DOCK1: variants seen among roughly 807,000 people sequenced by gnomAD.
DOCK1 encodes dedicator of cytokinesis protein 1.
A neutral mutation model predicts 262.7 loss-of-function variants in DOCK1; 138 were observed. The observed-to-expected ratio is 0.53, with a 90% CI of 0.46 to 0.61. The LOEUF (loss-of-function observed/expected upper bound fraction) is 0.61, where lower values mean the gene tolerates loss of function less well. Among genes scored for constraint, DOCK1 ranks in the 20% least tolerant of loss-of-function variants. The probability of loss-of-function intolerance (pLI) is 0.00; values close to 1 mark genes in which losing one functional copy is unlikely to be tolerated. For synonymous variants in DOCK1, 866 were observed against 867.4 expected, an observed-to-expected ratio of 1.00 and a Z score of 0.03; for missense variants, 1,908 against 2,370.7, an observed-to-expected ratio of 0.80 and a Z score of 4.05.
At chr10:127,045,985 G>A (rs1420687151) in intron 21 of DOCK1, among the ~76,000 whole-genome samples, 1 of 152,022 alleles carries the variant, frequency 6.6e-6, no homozygotes, top group Non-Finnish European at 1.5e-5. Context: ...TCATTTGCTG[G>A]TTCTAGGTCC....
chr10:127,114,964 C>G (rs950448918), intron 25 of DOCK1, among the ~76,000 whole-genome samples: 7 of 152,080 alleles, frequency 4.6e-5, no homozygotes, highest in Non-Finnish European at 1.0e-4. Context: ...ACCGTGTTGG[C>G]TGGGATGGTC....
At chr10:127,279,454 T>C (rs1372681086) in intron 29 of DOCK1, among the ~76,000 whole-genome samples, 1 of 152,230 alleles carries the variant, frequency 6.6e-6, no homozygotes, top group Admixed American at 6.5e-5. Flanking sequence ...CCAGAGTCCG[T>C]GTTCTGTATA....
At position 127,000,229 on chromosome 10, in the gene DOCK1, C is replaced by T. The variant is rs906422235; in HGVS notation, c.907C>T (p.Arg303Cys). ...EKISFVCQIV[R>C]VGRMELRDNN... ...AATCAGTTTTGTCTGTCAGATTGTT[C>T]GCGTGGGTCGCATGGAGCTGAGGGA... The change falls in exon 10 of 52, where the codon CGC becomes TGC. Residue 303 changes from arginine (R) to cysteine (C), a missense_variant. By Grantham distance (180) the Arg-to-Cys change is radical. Coordinates refer to ENST00000623213, the MANE Select transcript of DOCK1 (RefSeq NM_001290223.2). The T allele has an allele frequency of 3.7e-6, 6 of 1,613,802 alleles. No homozygotes were observed. In the Admixed American group the frequency reaches 6.7e-5, roughly 18 times the overall value.
At chr10:126,927,288 G>T (rs1473693937) in intron 1 of DOCK1, among the ~76,000 whole-genome samples, 3 of 152,182 alleles carry the variant, frequency 2.0e-5, no homozygotes, top group Non-Finnish European at 4.4e-5. Flanking sequence ...AGAACTGGAG[G>T]TGAGCAGGAG....
intron 27 of DOCK1, among the ~76,000 whole-genome samples, chr10:127,135,138 C>G (rs1377184086): frequency 6.6e-6 from 1 of 152,186 alleles, no homozygotes; most frequent in Non-Finnish European, 1.5e-5. Flanking sequence ...AGAATTAAAC[C>G]TCATATACCT....
chr10:127,118,965 TA>T (rs1486443963), intron 25 of DOCK1, among the ~76,000 whole-genome samples: 6 of 152,130 alleles, frequency 3.9e-5, no homozygotes, highest in African/African-American at 1.4e-4. Flanking sequence ...GTCTGTTATG[TA>T]AAAATGCCTG....
chr10:127,179,307 A>G (rs565463341), intron 27 of DOCK1, among the ~76,000 whole-genome samples: 112 of 152,356 alleles, frequency 7.4e-4, no homozygotes, highest in Non-Finnish European at 1.4e-3. Flanking sequence ...TAATAATAAA[A>G]AATTCTAAGC....
chr10:127,450,830 C>T (rs887449500), intron 51 of DOCK1, among the ~76,000 whole-genome samples: 2 of 152,168 alleles, frequency 1.3e-5, no homozygotes, highest in Non-Finnish European at 1.5e-5. Flanking sequence ...TGTCAATGAC[C>T]GCTTTTCGGC....
chr10:127,063,000 T>C (rs1257030769), intron 23 of DOCK1, among the ~76,000 whole-genome samples: 2 of 152,196 alleles, frequency 1.3e-5, no homozygotes, highest in Admixed American at 6.5e-5. Flanking sequence ...TGGAAGTGCC[T>C]GGGAGGCCCA....
At chr10:127,212,880 T>A (rs568290080) in intron 27 of DOCK1, among the ~76,000 whole-genome samples, 1 of 152,252 alleles carries the variant, frequency 6.6e-6, no homozygotes, top group Non-Finnish European at 1.5e-5. Flanking sequence ...ATTTCTTGCT[T>A]TTCAATTCAC....
At chr10:127,114,490 G>C (rs1301030286) in intron 25 of DOCK1, among the ~76,000 whole-genome samples, 1 of 152,094 alleles carries the variant, frequency 6.6e-6, no homozygotes, top group African/African-American at 2.4e-5. Context: ...AAGAGTGAGA[G>C]ACTTGAGGTG....
chr10:126,944,798 A>G (rs959453266), intron 1 of DOCK1, among the ~76,000 whole-genome samples: 4 of 152,060 alleles, frequency 2.6e-5, no homozygotes, highest in Non-Finnish European at 4.4e-5. Flanking sequence ...GGGTGTTATC[A>G]ACAGCTGTGT....
chr10:127,272,990 G>C (rs902545823), intron 29 of DOCK1, among the ~76,000 whole-genome samples: 7 of 152,032 alleles, frequency 4.6e-5, no homozygotes, highest in Non-Finnish European at 8.8e-5. Context: ...GATTTGGGTG[G>C]GGACACAGGT....
intron 1 of DOCK1, among the ~76,000 whole-genome samples, chr10:126,936,439 C>T (rs1443174877): frequency 6.6e-6 from 1 of 152,132 alleles, no homozygotes; most frequent in African/African-American, 2.4e-5. Flanking sequence ...TCCAATAAAA[C>T]TTTATTTATA....
chr10:127,072,236 C>T (rs117412952), intron 23 of DOCK1, among the ~76,000 whole-genome samples: 448 of 152,286 alleles, frequency 2.9e-3, no homozygotes, highest in Non-Finnish European at 3.6e-3. Flanking sequence ...TATGTATTCA[C>T]CTGTTTAAAA....
intron 12 of DOCK1, chr10:127,015,910 C>G (rs768824160): frequency 6.6e-6 from 1 of 152,458 alleles, no homozygotes; most frequent in African/African-American, 2.4e-5. Context: ...CCCCAGCCTC[C>G]GCACTGTCTT....
intron 27 of DOCK1, among the ~76,000 whole-genome samples, chr10:127,146,909 G>A (rs375016715): frequency 1.8e-4 from 28 of 152,210 alleles, no homozygotes; most frequent in South Asian, 1.7e-3. Flanking sequence ...CGGTTCTGCC[G>A]GCTGTCTTGA....
chr10:127,111,896 C>G (rs372589620), intron 25 of DOCK1, among the ~76,000 whole-genome samples: 3 of 152,098 alleles, frequency 2.0e-5, no homozygotes, highest in African/African-American at 4.8e-5. Flanking sequence ...GTTGATTTAA[C>G]GAAGATCTTC....
chr10:127,006,916 C>T (rs1350666646), intron 10 of DOCK1, among the ~76,000 whole-genome samples: 1 of 152,072 alleles, frequency 6.6e-6, no homozygotes, highest in Non-Finnish European at 1.5e-5. Context: ...TCTGGCTCAT[C>T]GTGGGCTGCT....
Sources: allele counts gnomAD v4.1 joint callset (sites outside exome capture counted in the v4.1 genomes callset), GRCh38; gene constraint gnomAD v4.1.1; transcripts MANE v1.5; gene names NCBI Gene and HGNC (gene_info 2026-07-23, HGNC 2026-07-21).